The following CELF4 variants were observed in gnomAD, a reference collection of about 807,000 sequenced individuals.
The protein encoded by CELF4 is CUGBP Elav-like family member 4.
In CELF4, 18 loss-of-function variants were observed where a neutral mutation model predicts 59.9. The observed-to-expected ratio is 0.30, with a 90% CI of 0.21 to 0.45. The LOEUF is 0.45. Among genes scored for constraint, CELF4 ranks in the 20% least tolerant of loss-of-function variants. The pLI is 1.00. For missense variants in CELF4, 456 were observed against 689.0 expected (o/e 0.66, Z 3.79); for synonymous variants, 261 against 267.1 (o/e 0.98, Z 0.22).
intron 2 of CELF4, among the ~76,000 whole-genome samples, chr18:37,374,104 C>G (rs1019375113): frequency 1.3e-5 from 2 of 152,210 alleles, no homozygotes; most frequent in African/African-American, 4.8e-5. Flanking sequence ...ACCCCACCGC[C>G]CAGCCACTGA....
chr18:37,262,723 C>A (rs1276493477), intron 10 of CELF4, among the ~76,000 whole-genome samples: 4 of 152,114 alleles, frequency 2.6e-5, no homozygotes, highest in African/African-American at 9.7e-5. Context: ...GGACCTGGAG[C>A]GGGCAACATG....
intron 1 of CELF4, among the ~76,000 whole-genome samples, chr18:37,487,328 A>G (rs1395750502): frequency 6.6e-6 from 1 of 152,226 alleles, no homozygotes; most frequent in Non-Finnish European, 1.5e-5. Context: ...TGAAAGAAGG[A>G]AACAGGGAGA....
intron 2 of CELF4, among the ~76,000 whole-genome samples, chr18:37,440,984 A>C (rs1336762594): frequency 6.6e-6 from 1 of 152,202 alleles, no homozygotes; most frequent in East Asian, 1.9e-4. Flanking sequence ...TGTGAATATT[A>C]GATAGTGGAT....
intron 2 of CELF4, among the ~76,000 whole-genome samples, chr18:37,432,502 G>C (rs985471590): frequency 4.6e-5 from 7 of 152,218 alleles, no homozygotes; most frequent in Non-Finnish European, 1.0e-4. Context: ...GACAATGAAC[G>C]CTGCACCCGG....
intron 9 of CELF4, among the ~76,000 whole-genome samples, chr18:37,265,390 C>CA: frequency 1.3e-5 from 2 of 152,188 alleles, no homozygotes; most frequent in South Asian, 4.1e-4. Flanking sequence ...TTAAAAACAC[C>CA]AAAATGGCCT....
chr18:37,326,767 G>A (rs1488033217), intron 2 of CELF4, among the ~76,000 whole-genome samples: 6 of 152,138 alleles, frequency 3.9e-5, no homozygotes, highest in African/African-American at 9.7e-5. Flanking sequence ...TCCCACCTGC[G>A]GCAGGGGGTG....
At chr18:37,390,803 GGGGA>G (rs886925546) in intron 2 of CELF4, among the ~76,000 whole-genome samples, 16 of 47,370 alleles carry the variant, frequency 3.4e-4, no homozygotes, top group African/African-American at 9.2e-4. Context: ...GTGATGGGGC[GGGGA>G]GGGGGGGCAG....
intron 1 of CELF4, among the ~76,000 whole-genome samples, chr18:37,522,974 G>C (rs1424003532): frequency 6.6e-6 from 1 of 152,116 alleles, no homozygotes; most frequent in Non-Finnish European, 1.5e-5. Context: ...GAGAGCCACG[G>C]GGCCATATTC....
At chr18:37,322,089 A>T (rs1448898454) in intron 2 of CELF4, among the ~76,000 whole-genome samples, 1 of 152,134 alleles carries the variant, frequency 6.6e-6, no homozygotes, top group Non-Finnish European at 1.5e-5. Context: ...CCATTCTTTC[A>T]GGGGGGTGTC....
chr18:37,470,836 CTGTGTG>C (rs71381583), intron 2 of CELF4, among the ~76,000 whole-genome samples: 1,607 of 93,122 alleles, frequency 0.017, 29 homozygotes, highest in Middle Eastern at 0.045. Context: ...CTTCATGACT[CTGTGTG>C]TGTGTGTGTG....
intron 8 of CELF4, among the ~76,000 whole-genome samples, chr18:37,267,701 G>A (rs1157035193): frequency 6.6e-6 from 1 of 152,146 alleles, no homozygotes; most frequent in Non-Finnish European, 1.5e-5. Flanking sequence ...CTTCCCTCCT[G>A]AGCACGTTTC....
chr18:37,276,376 A>G (rs1278735748), intron 3 of CELF4: 3 of 152,208 alleles, frequency 2.0e-5, no homozygotes, highest in East Asian at 1.9e-4. Flanking sequence ...TGACTGCTCT[A>G]ACAAATAAAG....
At chr18:37,432,417 A>C (rs1419183536) in intron 2 of CELF4, among the ~76,000 whole-genome samples, 2 of 152,218 alleles carry the variant, frequency 1.3e-5, no homozygotes, top group Non-Finnish European at 2.9e-5. Context: ...AAAAGACCAA[A>C]TTAGAGAAAT....
chr18:37,477,543 C>A (rs1263263274), intron 2 of CELF4, among the ~76,000 whole-genome samples: 1 of 152,124 alleles, frequency 6.6e-6, no homozygotes, highest in Non-Finnish European at 1.5e-5. Flanking sequence ...CTGAAGAATG[C>A]ATCAGAGGGG....
chr18:37,540,941 T>TG (rs940766270), intron 1 of CELF4, among the ~76,000 whole-genome samples: 1 of 151,128 alleles, frequency 6.6e-6, no homozygotes, highest in Non-Finnish European at 1.5e-5. Flanking sequence ...GGAGGTGGAG[T>TG]GGGGGCATGG....
chr18:37,477,991 G>A (rs1384368348), intron 2 of CELF4, among the ~76,000 whole-genome samples: 1 of 152,184 alleles, frequency 6.6e-6, no homozygotes. Context: ...GCCCTGGGGA[G>A]CAGGCAGTCT....
chr18:37,455,684 C>A (rs1400234076), intron 2 of CELF4, among the ~76,000 whole-genome samples: 2 of 152,342 alleles, frequency 1.3e-5, no homozygotes, highest in African/African-American at 4.8e-5. Flanking sequence ...TGCAGCAGAT[C>A]TGCAGGACAC....
At position 37,321,788 on chromosome 18, in the gene CELF4, C is replaced by G; in HGVS notation, c.448+15G>C. 6.3e-7 allele frequency: 1 copy of G among 1,593,856 alleles called. No homozygotes were observed. The highest frequency in any genetic ancestry group is 8.6e-7 in the Non-Finnish European group (1 of 1,164,804). ...AGAGGGGGAGGGGGAGGGGCAGAGA[C>G]AAGTGGGCCCTCACGTGAAGGGGGC... On this transcript the variant is annotated intron_variant, in intron 3 of 12. Coordinates refer to ENST00000420428, the MANE Select transcript of CELF4 (RefSeq NM_020180.4).
At chr18:37,283,814 G>A (rs2094427946) in intron 3 of CELF4, among the ~76,000 whole-genome samples, 1 of 150,738 alleles carries the variant, frequency 6.6e-6, no homozygotes, top group African/African-American at 2.4e-5. Flanking sequence ...GGCAGGGTTT[G>A]CATTGTGGGA....
Sources: gnomAD v4.1 joint callset for allele counts (sites outside exome capture counted in the v4.1 genomes callset) on GRCh38, gnomAD v4.1.1 for gene constraint, MANE v1.5 for transcripts, NCBI Gene and HGNC (gene_info 2026-07-23, HGNC 2026-07-21) for gene names.